Variants in STK32B observed in about 807,000 individuals in gnomAD.
STK32B encodes the protein serine/threonine-protein kinase 32B.
A neutral mutation model predicts 52.6 loss-of-function variants in STK32B; 43 were observed. That is an observed-to-expected ratio of 0.82 (90% CI 0.64 to 1.05). The LOEUF (loss-of-function observed/expected upper bound fraction) is 1.05. STK32B is among the 50% of genes least tolerant of loss of function. The probability of loss-of-function intolerance (pLI) is 0.00; values close to 1 mark genes in which losing one functional copy is unlikely to be tolerated. For synonymous variants in STK32B, 238 were observed against 204.3 expected (o/e 1.17, Z -1.41); for missense variants, 621 against 534.6 (o/e 1.16, Z -1.59).
intron 4 of STK32B, 98 bp downstream of exon 4, chr4:5,331,491 A>G (rs1289168319): frequency 2.5e-5 from 34 of 1,361,454 alleles, no homozygotes; most frequent in Non-Finnish European, 3.3e-5. Flanking sequence ...TGTCCTTGAC[A>G]TGGTTTAAAA....
intron 3 of STK32B, among the ~76,000 whole-genome samples, chr4:5,185,731 C>G (rs1720690342): frequency 6.6e-6 from 1 of 152,194 alleles, no homozygotes; most frequent in Non-Finnish European, 1.5e-5. Flanking sequence ...CCCACGTGCC[C>G]TTCACAGGAC....
the STK32B span, among the ~76,000 whole-genome samples, chr4:5,032,244 C>T: frequency 2.1e-4 from 31 of 150,458 alleles, no homozygotes; most frequent in African/African-American, 6.8e-4. Flanking sequence ...AAGGCCAAGA[C>T]GGGCGGATCA....
intron 1 of STK32B, among the ~76,000 whole-genome samples, chr4:5,062,960 G>A (rs1742272955): frequency 6.6e-6 from 1 of 152,122 alleles, no homozygotes; most frequent in Admixed American, 6.5e-5. Flanking sequence ...GTTCCATTCA[G>A]TTACTATAGT....
chr4:5,326,500 CCTGCTTCCCTCT>C (rs1436665895), intron 3 of STK32B, among the ~76,000 whole-genome samples: 1 of 152,130 alleles, frequency 6.6e-6, no homozygotes, highest in Admixed American at 6.5e-5. Context: ...AGCTCCCAGC[CCTGCTTCCCTCT>C]CTGCAGGTTC....
chr4:5,300,659 A>C (rs891932577), intron 3 of STK32B, among the ~76,000 whole-genome samples: 2 of 152,146 alleles, frequency 1.3e-5, no homozygotes, highest in African/African-American at 4.8e-5. Flanking sequence ...CAAGATGAAA[A>C]CCAAATCAAG....
At chr4:5,456,298 C>T (rs1052860105) in intron 7 of STK32B, among the ~76,000 whole-genome samples, 4 of 152,210 alleles carry the variant, frequency 2.6e-5, no homozygotes, top group South Asian at 4.1e-4. Context: ...AGTCAGGGGA[C>T]GAGGCTGGGG....
At chr4:5,247,471 C>G (rs2108826569) in intron 3 of STK32B, among the ~76,000 whole-genome samples, 1 of 152,314 alleles carries the variant, frequency 6.6e-6, no homozygotes. Context: ...TGCCGTCTGT[C>G]ATCCCTTTCT....
At chr4:5,430,218 C>A (rs195124) in intron 6 of STK32B, among the ~76,000 whole-genome samples, 1 of 151,844 alleles carries the variant, frequency 6.6e-6, no homozygotes, top group South Asian at 2.1e-4. Context: ...TTTCAAAACC[C>A]GAAGTGAGAT....
chr4:5,174,601 C>T (rs1016239881), intron 3 of STK32B, among the ~76,000 whole-genome samples: 1 of 152,128 alleles, frequency 6.6e-6, no homozygotes, highest in African/African-American at 2.4e-5. Flanking sequence ...GTTGAAAATT[C>T]TTTTATTTAA....
Position 5,318,966 on chromosome 4 carries a change from AT to A in STK32B, c.261-12247del, listed in dbSNP as rs746191386. Among the ~76,000 whole-genome samples the A allele has an allele frequency of 2.8e-4, 42 of 151,826 alleles. 2 individuals carry two copies. The highest frequency in any genetic ancestry group is 1.2e-3 in the Admixed American group (19 of 15,230). The stretch of plus-strand genomic sequence containing the variant: ...AGGTGCCCGCCACCATGCCCAGCTA[AT>A]TTTTTTGTGTGTATTTTTAGTAGAG... On this transcript the variant is annotated intron_variant, in intron 3 of 11. Transcript: ENST00000282908.
intron 3 of STK32B, among the ~76,000 whole-genome samples, chr4:5,266,720 G>C (rs766371055): frequency 1.1e-4 from 17 of 152,190 alleles, no homozygotes; most frequent in Non-Finnish European, 1.8e-4. Context: ...TCTGGGTGGG[G>C]GTCCTTTCTT....
At chr4:5,494,306 T>A (rs1025098181) in intron 11 of STK32B, among the ~76,000 whole-genome samples, 139 of 152,300 alleles carry the variant, frequency 9.1e-4, no homozygotes, top group African/African-American at 3.1e-3. Context: ...GCTCTTCTTG[T>A]TGAATTGATC....
chr4:5,190,315 A>T (rs1403843219), intron 3 of STK32B, among the ~76,000 whole-genome samples: 3 of 152,146 alleles, frequency 2.0e-5, no homozygotes, highest in African/African-American at 7.2e-5. Flanking sequence ...ACTCTGCCAA[A>T]ATTTCACAGG....
intron 3 of STK32B, among the ~76,000 whole-genome samples, chr4:5,316,783 A>C (rs1396217131): frequency 1.1e-3 from 3 of 2,854 alleles, no homozygotes; most frequent in Non-Finnish European, 1.6e-3. Context: ...ATTATATATT[A>C]TACATATATA....
chr4:5,427,474 C>T (rs1713204888), intron 6 of STK32B, among the ~76,000 whole-genome samples: 1 of 152,146 alleles, frequency 6.6e-6, no homozygotes, highest in African/African-American at 2.4e-5. Context: ...ATTATTTCTA[C>T]ACATATTTTG....
chr4:5,241,742 A>G (rs1725042484), intron 3 of STK32B, among the ~76,000 whole-genome samples: 2 of 151,850 alleles, frequency 1.3e-5, no homozygotes, highest in African/African-American at 2.4e-5. Context: ...CCACCCCACA[A>G]CAGTCCCTGG....
intron 1 of STK32B, among the ~76,000 whole-genome samples, chr4:5,088,228 A>G (rs1712844557): frequency 1.3e-5 from 2 of 152,124 alleles, no homozygotes; most frequent in South Asian, 4.1e-4. Flanking sequence ...AATAAAAATG[A>G]AAACACAGCA....
At chr4:5,047,552 A>G (rs1243078007), upstream of STK32B, among the ~76,000 whole-genome samples, 1 of 152,220 alleles carries the variant, frequency 6.6e-6, no homozygotes, top group Non-Finnish European at 1.5e-5. Flanking sequence ...CAAAATCTCC[A>G]TTTCAACACA....
chr4:5,344,601 A>G (rs1033554404), intron 4 of STK32B, among the ~76,000 whole-genome samples: 1 of 152,146 alleles, frequency 6.6e-6, no homozygotes, highest in Admixed American at 6.5e-5. Flanking sequence ...TCAGTTATTT[A>G]TGAAGGCTTC....
Sources: gnomAD v4.1 joint callset for allele counts (sites outside exome capture counted in the v4.1 genomes callset) on GRCh38, gnomAD v4.1.1 for gene constraint, MANE v1.5 for transcripts, NCBI Gene and HGNC (gene_info 2026-07-23, HGNC 2026-07-21) for gene names.